AOAH: variants seen among roughly 807,000 people sequenced by gnomAD.
AOAH encodes the protein acyloxyacyl hydrolase.
A neutral mutation model predicts 92.2 loss-of-function variants in AOAH; 64 were observed. The ratio of observed to expected loss-of-function variants is 0.69; its 90% CI spans 0.57 to 0.86. The LOEUF (loss-of-function observed/expected upper bound fraction) is 0.86, where lower values mean the gene tolerates loss of function less well. AOAH is among the 40% of genes least tolerant of loss of function. The pLI is 0.00. For synonymous variants in AOAH, 263 were observed against 254.5 expected (o/e 1.03, Z -0.32); for missense variants, 656 against 694.6 (o/e 0.94, Z 0.62).
At chr7:36,618,561 A>G (rs1792059141) in intron 9 of AOAH, among the ~76,000 whole-genome samples, 1 of 152,248 alleles carries the variant, frequency 6.6e-6, no homozygotes, top group Non-Finnish European at 1.5e-5. Flanking sequence ...CCAGACACTG[A>G]ACCATTTCAT....
intron 14 of AOAH, among the ~76,000 whole-genome samples, chr7:36,549,172 A>G (rs145399192): frequency 1.3e-5 from 2 of 152,332 alleles, no homozygotes; most frequent in African/African-American, 4.8e-5. Flanking sequence ...TTTCTCATTC[A>G]TAAAGCAGGG....
In AOAH at chr7:36,672,259, A is replaced by T. The variant is rs73688270; in HGVS notation, c.290+1684T>A. 2.8e-3 allele frequency among the ~76,000 whole-genome samples: 432 copies of T among 152,284 alleles called. 2 individuals carry two copies. Among genetic ancestry groups the T allele is most frequent in the African/African-American group, 9.9e-3 (413 of 41,550 alleles). On this transcript the variant is annotated intron_variant, in intron 3 of 20. Coordinates refer to ENST00000617537, the MANE Select transcript of AOAH (RefSeq NM_001637.4). ...GTTCCTTCTGTCTTTAAAATGTTGT[A>T]GACTCTAGGCTACCCTGTTGTAGAG...
chr7:36,630,851 A>G (rs1196343893), intron 6 of AOAH, among the ~76,000 whole-genome samples: 1 of 152,182 alleles, frequency 6.6e-6, no homozygotes, highest in East Asian at 1.9e-4. Context: ...CTGGGGGTGT[A>G]TCTTGGGTCC....
chr7:36,664,497 C>T (rs1219403814), intron 3 of AOAH, among the ~76,000 whole-genome samples: 2 of 152,162 alleles, frequency 1.3e-5, no homozygotes, highest in Non-Finnish European at 2.9e-5. Flanking sequence ...CACCAATACC[C>T]TGCTGTCTTG....
chr7:36,686,410 T>C (rs1401598306), intron 2 of AOAH, among the ~76,000 whole-genome samples: 1 of 152,214 alleles, frequency 6.6e-6, no homozygotes, highest in East Asian at 1.9e-4. Flanking sequence ...AGTAGGCAAA[T>C]TATTATTAAT....
rs2115929576 is a variant in AOAH, at chr7:36,614,187, C to T, written c.846+2193G>A. 6.6e-6 allele frequency among the ~76,000 whole-genome samples: 1 copy of T among 152,344 alleles called. No homozygotes were observed. Among genetic ancestry groups the T allele is most frequent in the East Asian group, 1.9e-4 (1 of 5,176 alleles). Reference sequence around the variant, plus strand: ...TTCTCGAGGGCAGGGGCACCACCCCCTTCTCTAATGGACACGGTGGCTCTT... The same window carrying T: ...TTCTCGAGGGCAGGGGCACCACCCCTTTCTCTAATGGACACGGTGGCTCTT... On this transcript the variant is annotated intron_variant, in intron 11 of 20. Transcript: ENST00000617537. This position sits in a 1 kb window ranked among gnomAD's most constrained non-coding sequence, Gnocchi z 4.2.
At chr7:36,711,887 CT>C (rs1294984071) in intron 1 of AOAH, among the ~76,000 whole-genome samples, 1 of 152,100 alleles carries the variant, frequency 6.6e-6, no homozygotes, top group Non-Finnish European at 1.5e-5. Context: ...CCTCCAAAGG[CT>C]GAGAACCATG....
chr7:36,686,310 C>A (rs1797006063), intron 2 of AOAH, among the ~76,000 whole-genome samples: 1 of 152,092 alleles, frequency 6.6e-6, no homozygotes, highest in Admixed American at 6.5e-5. Flanking sequence ...AGGTGTACAT[C>A]TTGGTATGTG....
intron 5 of AOAH, 141 bp from the exon 6 acceptor site, chr7:36,632,247 T>C: frequency 1.4e-6 from 1 of 691,006 alleles, no homozygotes; most frequent in Non-Finnish European, 2.4e-6. Flanking sequence ...TAAATTTACC[T>C]CTTGTTCCTG....
At chr7:36,594,627 C>T (rs1487216393) in intron 11 of AOAH, 197 bp from the exon 12 acceptor site, 5 of 649,756 alleles carry the variant, frequency 7.7e-6, no homozygotes, top group Admixed American at 4.6e-5. Context: ...ATCAGCACCA[C>T]CCTTGACCTG....
At position 36,614,629 on chromosome 7, in the gene AOAH, C is replaced by CAATT. The variant is rs1791727146; in HGVS notation, c.846+1747_846+1750dup. On this transcript the variant is annotated intron_variant, in intron 11 of 20. Coordinates refer to ENST00000617537, the MANE Select transcript of AOAH (RefSeq NM_001637.4). This position sits in a 1 kb window ranked among gnomAD's most constrained non-coding sequence, Gnocchi z 4.2. The stretch of plus-strand genomic sequence containing the variant: ...ACTGCTGCACCCTCCAACAAAGTGG[C>CAATT]AATTAAATGGTGTCAATGGGGGAGG... Among the ~76,000 whole-genome samples, 2 of 152,112 alleles carry CAATT rather than the reference C, an allele frequency of 1.3e-5. No individual in the cohort carries two copies.
At chr7:36,556,893 G>A (rs1205425996) in intron 13 of AOAH, among the ~76,000 whole-genome samples, 1 of 150,914 alleles carries the variant, frequency 6.6e-6, no homozygotes, top group Non-Finnish European at 1.5e-5. Flanking sequence ...CACGTGAGAT[G>A]GGTTTCCTGA....
chr7:36,548,783 G>T, intron 14 of AOAH, 97 bp from the exon 15 acceptor site: 1 of 1,071,628 alleles, frequency 9.3e-7, no homozygotes, highest in South Asian at 1.3e-5. Context: ...ATCTTGGTAT[G>T]ACCACCCTCT....
intron 11 of AOAH, chr7:36,597,755 C>T (rs1022734434): frequency 3.1e-4 from 47 of 152,182 alleles, no homozygotes; most frequent in Admixed American, 2.8e-3. Context: ...ACAAGAACTA[C>T]GCAGGCATAG....
Position 36,666,508 on chromosome 7 carries a change from T to C in AOAH, c.291-7243A>G, listed in dbSNP as rs191616512. Among the ~76,000 whole-genome samples the C allele has an allele frequency of 1.9e-3, 296 of 152,132 alleles. 2 individuals carry two copies. Among genetic ancestry groups the C allele is most frequent in the African/African-American group, 6.8e-3 (282 of 41,556 alleles). The stretch of plus-strand genomic sequence containing the variant: ...TCAAAAAATCTAGCTTTTGGTTTAA[T>C]TTTCTATTAATTTTCTATTTCTATA... On this transcript the variant is annotated intron_variant, in intron 3 of 20. Coordinates refer to ENST00000617537, the MANE Select transcript of AOAH (RefSeq NM_001637.4).
chr7:36,690,077 G>T, intron 1 of AOAH: 1 of 402,438 alleles, frequency 2.5e-6, no homozygotes, highest in Non-Finnish European at 4.9e-6. Flanking sequence ...CTTGAAACCA[G>T]CCTGCTTCTT....
chr7:36,693,161 A>G (rs1459569678), intron 1 of AOAH, among the ~76,000 whole-genome samples: 2 of 152,182 alleles, frequency 1.3e-5, no homozygotes, highest in African/African-American at 2.4e-5. Flanking sequence ...CAGACTGTGA[A>G]CTAATGGTTT....
intron 12 of AOAH, among the ~76,000 whole-genome samples, chr7:36,590,677 T>A (rs948443839): frequency 6.6e-6 from 1 of 152,180 alleles, no homozygotes; most frequent in African/African-American, 2.4e-5. Flanking sequence ...ATCATGATGG[T>A]AGGAAGCGCA....
At chr7:36,581,777 G>A (rs1051284053) in intron 12 of AOAH, among the ~76,000 whole-genome samples, 4 of 152,148 alleles carry the variant, frequency 2.6e-5, no homozygotes, top group African/African-American at 4.8e-5. Context: ...ACCAATAGGA[G>A]ATAGTTCTAA....
Sources: gnomAD v4.1 joint callset for allele counts (sites outside exome capture counted in the v4.1 genomes callset) on GRCh38, gnomAD v4.1.1 for gene constraint, Gnocchi (gnomAD v3.1) non-coding constraint, MANE v1.5 for transcripts, NCBI Gene and HGNC (gene_info 2026-07-23, HGNC 2026-07-21) for gene names.